TMEM229B: variants seen among roughly 807,000 people sequenced by gnomAD.
TMEM229B encodes the protein transmembrane protein 229B, also known as chromosome 14 open reading frame 83.
A neutral mutation model predicts 13.7 loss-of-function variants in TMEM229B; 6 were observed. The ratio of observed to expected loss-of-function variants is 0.44; its 90% CI spans 0.24 to 0.86. The LOEUF is 0.86. Ranked by LOEUF, TMEM229B falls within the 40% of genes least tolerant of loss-of-function variation. The pLI is 0.23. For missense variants in TMEM229B, 170 were observed against 236.0 expected, an observed-to-expected ratio of 0.72 and a Z score of 1.83; for synonymous variants, 107 against 102.1, an observed-to-expected ratio of 1.05 and a Z score of -0.29.
intron 1 of TMEM229B, among the ~76,000 whole-genome samples, chr14:67,532,512 C>G (rs796075233): frequency 1.3e-5 from 2 of 152,066 alleles, no homozygotes; most frequent in African/African-American, 2.4e-5. Flanking sequence ...TGTCTGAGAA[C>G]GAGGAGCACA....
At chr14:67,489,080 G>A (rs1388265787), upstream of TMEM229B, among the ~76,000 whole-genome samples, 1 of 152,160 alleles carries the variant, frequency 6.6e-6, no homozygotes, top group Non-Finnish European at 1.5e-5. Flanking sequence ...AGAGTTTCTT[G>A]GAACATATGA....
chr14:67,487,820 G>A (rs4902474), intron 1 of TMEM229B, among the ~76,000 whole-genome samples: 10,014 of 151,748 alleles, frequency 0.066, 509 homozygotes, highest in East Asian at 0.24. Context: ...AAGTAGAGAC[G>A]GGTCTTGCTA....
upstream of TMEM229B, among the ~76,000 whole-genome samples, chr14:67,519,183 C>A (rs1359919491): frequency 6.6e-6 from 1 of 152,062 alleles, no homozygotes; most frequent in African/African-American, 2.4e-5. Context: ...CATAAAGAGG[C>A]TAAGGAGTGT....
intron 1 of TMEM229B, among the ~76,000 whole-genome samples, chr14:67,520,526 T>C (rs1489568809): frequency 6.6e-6 from 1 of 152,292 alleles, no homozygotes; most frequent in Non-Finnish European, 1.5e-5. Context: ...TTATTTCTTT[T>C]CAGCATTGAA....
intron 1 of TMEM229B, among the ~76,000 whole-genome samples, chr14:67,527,565 A>C (rs2033386519): frequency 6.6e-6 from 1 of 152,238 alleles, no homozygotes; most frequent in Non-Finnish European, 1.5e-5. Flanking sequence ...ATTTGTTTGC[A>C]GTGCCCTGCA....
rs545700308 is a variant in TMEM229B at position 67,488,594 on chromosome 14, T to G, written c.-278A>C. 26 of 152,428 alleles carry G rather than the reference T, an allele frequency of 1.7e-4. No homozygotes were observed. The highest frequency in any genetic ancestry group is 6.0e-4 in the African/African-American group (25 of 41,586). 9.4% of individuals were successfully genotyped at this position (152,428 alleles called of 1,614,324 possible). ...GAGGAAAAGGTTTTAACGGAGCATG[T>G]CCGAACCCTCTGGGACTCTCTCTCC... is the stretch of plus-strand genomic sequence containing the variant. On this transcript the variant is annotated 5_prime_UTR_variant, in exon 1 of 3. Coordinates refer to ENST00000554480, the MANE Select transcript of TMEM229B (RefSeq NM_001348543.2).
At chr14:67,526,296 C>T (rs1406171677) in intron 1 of TMEM229B, among the ~76,000 whole-genome samples, 1 of 152,196 alleles carries the variant, frequency 6.6e-6, no homozygotes, top group Non-Finnish European at 1.5e-5. Flanking sequence ...CAAAAAGGAT[C>T]CTTGACTTGC....
At chr14:67,530,373 A>T (rs1219947829) in intron 1 of TMEM229B, among the ~76,000 whole-genome samples, 2 of 152,196 alleles carry the variant, frequency 1.3e-5, no homozygotes, top group African/African-American at 4.8e-5. Context: ...ATAAAGCTTA[A>T]ACTGAGCTCT....
rs1340095169 is a variant in TMEM229B, at chr14:67,514,500, C to T, written c.-192+586G>A. On this transcript the variant is annotated intron_variant, in intron 1 of 2. Transcript: ENST00000357461. ...GGACACGGACCTGGGGAGTGGAGGGCGCCTAGGTGTGGGGTCCATCACCCA... is the reference window on the plus strand; with the variant it reads ...GGACACGGACCTGGGGAGTGGAGGGTGCCTAGGTGTGGGGTCCATCACCCA... 5.3e-5 allele frequency among the ~76,000 whole-genome samples: 8 copies of T among 152,054 alleles called. No homozygotes were observed. In the East Asian group the frequency reaches 1.6e-3, roughly 30 times the overall value.
chr14:67,525,586 C>T (rs978077573), intron 1 of TMEM229B, among the ~76,000 whole-genome samples: 1 of 152,208 alleles, frequency 6.6e-6, no homozygotes, highest in African/African-American at 2.4e-5. Flanking sequence ...AGAATCACAA[C>T]ATGCCATGTC....
At chr14:67,530,898 C>T (rs1033262518) in intron 1 of TMEM229B, among the ~76,000 whole-genome samples, 2 of 152,176 alleles carry the variant, frequency 1.3e-5, no homozygotes, top group Non-Finnish European at 2.9e-5. Flanking sequence ...GAAAAGAAGA[C>T]GAATGGCCTC....
At chr14:67,499,717 G>A (rs1475818752) in intron 1 of TMEM229B, among the ~76,000 whole-genome samples, 1 of 152,148 alleles carries the variant, frequency 6.6e-6, no homozygotes, top group East Asian at 1.9e-4. Context: ...CCTCCAATAG[G>A]TTAAAAAGGC....
intron 2 of TMEM229B, among the ~76,000 whole-genome samples, chr14:67,481,342 G>A (rs1334605746): frequency 6.6e-6 from 1 of 152,170 alleles, no homozygotes. Context: ...GAAATATGGT[G>A]TGCCCCAAGC....
intron 1 of TMEM229B, among the ~76,000 whole-genome samples, chr14:67,514,820 G>GC (rs1198530427): frequency 2.0e-5 from 3 of 151,696 alleles, no homozygotes; most frequent in Admixed American, 6.6e-5. Flanking sequence ...TCCCCAACAC[G>GC]CCCCCCTGTG....
At chr14:67,495,782 C>G (rs1218035636) in intron 1 of TMEM229B, among the ~76,000 whole-genome samples, 1 of 151,924 alleles carries the variant, frequency 6.6e-6, no homozygotes, top group East Asian at 1.9e-4. Context: ...CCATGCCCAG[C>G]CAGCCTTCTG....
At position 67,523,880 on chromosome 14, in the gene TMEM229B, A is replaced by G. The variant is rs1011774834; in HGVS notation, c.-192+9756T>C. On this transcript the variant is annotated intron_variant, in intron 1 of 2. Transcript: ENST00000554278. ...ATCCATGGGCAGTAATGTCAGGTAT[A>G]GAGCTGTGACCTCTCTAGGGAATAC... Among the ~76,000 whole-genome samples, 2 of 152,130 alleles carry G rather than the reference A, an allele frequency of 1.3e-5. 1 individual carries two copies. Among genetic ancestry groups the G allele is most frequent in the African/African-American group, 4.8e-5 (2 of 41,426 alleles).
At chr14:67,527,521 G>T (rs573776946) in intron 1 of TMEM229B, among the ~76,000 whole-genome samples, 2 of 152,184 alleles carry the variant, frequency 1.3e-5, no homozygotes, top group Non-Finnish European at 2.9e-5. Flanking sequence ...TAAATGTTTC[G>T]ATTTTTAATT....
At position 67,473,462 on chromosome 14, in the gene TMEM229B, G is replaced by T. The variant is rs146427064; in HGVS notation, c.462C>A (p.Ser154Arg). Residue 154 changes from serine (S) to arginine (R), a missense_variant, in exon 3 of 3, where the codon AGC (serine) becomes AGA (arginine). By Grantham distance (110) the Ser-to-Arg change is moderately radical. This residue lies in a region of TMEM229B where 70 missense variants were observed against 60.9 expected (regional missense o/e 1.15). Transcript: ENST00000554480. The surrounding 1 kb of genome is among the most constrained non-coding windows in gnomAD (Gnocchi z 6.5). ...GGCCGTTGGCCAGGGCTAGGGCGCC[G>T]CTGGGCTCCCCGGGCTCAGCGTCCT... ...FDKDAEPGEP[S>R]GALALANGHV... The T allele has an allele frequency of 1.6e-5, 26 of 1,614,092 alleles. No individual in the cohort carries two copies. The South Asian group carries it at 2.1e-4, about 13-fold the overall frequency.
At chr14:67,511,340 C>T (rs1477248878) in intron 1 of TMEM229B, among the ~76,000 whole-genome samples, 1 of 115,912 alleles carries the variant, frequency 8.6e-6, no homozygotes, top group Non-Finnish European at 2.0e-5. Context: ...CAGCTGAAGT[C>T]TTATTTAAAA....
Sources: gnomAD v4.1 joint callset for allele counts (sites outside exome capture counted in the v4.1 genomes callset) on GRCh38, gnomAD v4.1.1 for gene constraint, gnomAD v4.1.1 regional missense constraint, Gnocchi (gnomAD v3.1) non-coding constraint, MANE v1.5 for transcripts, NCBI Gene and HGNC (gene_info 2026-07-23, HGNC 2026-07-21) for gene names.